Variants in PDGFRL observed in about 807,000 individuals in gnomAD.
The protein encoded by PDGFRL is platelet-derived growth factor receptor-like protein.
Under a neutral mutation model 37.2 loss-of-function variants are expected in PDGFRL, and 46 were observed. The ratio of observed to expected loss-of-function variants is 1.24; its 90% CI spans 0.98 to 1.58. The LOEUF is 1.58. PDGFRL is among the 40% of genes most tolerant of loss of function. The pLI, the probability that PDGFRL is intolerant of heterozygous loss-of-function variation, is 0.00. For missense variants in PDGFRL, 692 were observed against 467.6 expected (o/e 1.48, Z -4.43); for synonymous variants, 251 against 184.3 (o/e 1.36, Z -2.93).
intron 2 of PDGFRL, among the ~76,000 whole-genome samples, chr8:17,604,138 G>T (rs1261658086): frequency 6.6e-6 from 1 of 152,180 alleles, no homozygotes; most frequent in African/African-American, 2.4e-5. Context: ...CTGTTGGTGG[G>T]ACTGTAAACT....
chr8:17,616,689 G>C (rs1181558607), intron 2 of PDGFRL, among the ~76,000 whole-genome samples: 3 of 152,136 alleles, frequency 2.0e-5, no homozygotes, highest in African/African-American at 7.2e-5. Flanking sequence ...GGCTCTTGCT[G>C]GTTACTCTCC....
chr8:17,636,793 A>C (rs888330974), intron 5 of PDGFRL, among the ~76,000 whole-genome samples: 2 of 152,092 alleles, frequency 1.3e-5, no homozygotes, highest in African/African-American at 4.8e-5. Flanking sequence ...GATTTCTTTC[A>C]GCAGTGTTTT....
intron 5 of PDGFRL, among the ~76,000 whole-genome samples, chr8:17,641,711 T>G (rs1319876487): frequency 6.6e-6 from 1 of 152,172 alleles, no homozygotes; most frequent in African/African-American, 2.4e-5. Flanking sequence ...AATCCCTTTG[T>G]TGCCAGAAGA....
rs543948154 is a variant in PDGFRL, at chr8:17,613,920, G to A, written c.354-7131G>A. Among the ~76,000 whole-genome samples, 300 of 152,284 alleles carry A rather than the reference G, an allele frequency of 2.0e-3. 2 individuals carry two copies. Among genetic ancestry groups the A allele is most frequent in the Non-Finnish European group, 3.3e-3 (225 of 68,030 alleles). ...AATAATACAGAGGAATCTGGCATAA[G>A]TGATTGCAGTAGAGAGACCTGAGCC... On this transcript the variant is annotated intron_variant, in intron 2 of 5. Coordinates refer to ENST00000251630, the MANE Select transcript of PDGFRL (RefSeq NM_001372073.1).
At chr8:17,638,752 TA>T (rs1335184353) in intron 5 of PDGFRL, among the ~76,000 whole-genome samples, 6 of 58,340 alleles carry the variant, frequency 1.0e-4, no homozygotes, top group African/African-American at 6.1e-4. Flanking sequence ...TATATATATA[TA>T]TATATATATA....
intron 2 of PDGFRL, among the ~76,000 whole-genome samples, chr8:17,600,570 T>C (rs528844469): frequency 6.6e-6 from 1 of 151,988 alleles, no homozygotes; most frequent in South Asian, 2.1e-4. Context: ...GAGGCCAAGA[T>C]GGGAGGATCA....
intron 2 of PDGFRL, among the ~76,000 whole-genome samples, chr8:17,596,721 A>T (rs79987172): frequency 4.6e-5 from 7 of 152,214 alleles, no homozygotes; most frequent in African/African-American, 1.7e-4. Flanking sequence ...GAAGAAAGTA[A>T]TGACAGATGT....
At chr8:17,636,528 T>C (rs931611692) in intron 5 of PDGFRL, among the ~76,000 whole-genome samples, 3 of 151,512 alleles carry the variant, frequency 2.0e-5, no homozygotes, top group Non-Finnish European at 2.9e-5. Context: ...ATAGTATAGT[T>C]TGAAGTCAGG....
intron 2 of PDGFRL, among the ~76,000 whole-genome samples, chr8:17,618,659 G>A (rs928515878): frequency 6.6e-6 from 1 of 152,138 alleles, no homozygotes; most frequent in Non-Finnish European, 1.5e-5. Flanking sequence ...TGCAAAATAG[G>A]GAGCTGGATG....
chr8:17,640,662 C>T (rs1185182224), intron 5 of PDGFRL, among the ~76,000 whole-genome samples: 1 of 152,140 alleles, frequency 6.6e-6, no homozygotes, highest in African/African-American at 2.4e-5. Flanking sequence ...AGCAGCTGCT[C>T]TAATGGAGGT....
At position 17,628,524 on chromosome 8, in the gene PDGFRL, C is replaced by T; in HGVS notation, c.543C>T (p.Phe181=). 1 of 1,613,920 alleles carries T rather than the reference C, an allele frequency of 6.2e-7. No individual in the cohort carries two copies. Among genetic ancestry groups the T allele is most frequent in the South Asian group, 1.1e-5 (1 of 91,082 alleles). Reference sequence around the variant, plus strand: ...TCTTTGTACCTTCTCCCAGCTACTTCGATGTTGTCTACTTGAACCCGGACA... The same window carrying T: ...TCTTTGTACCTTCTCCCAGCTACTTTGATGTTGTCTACTTGAACCCGGACA... ...GELFVPSPSY[F]DVVYLNPDRQ... The change falls in exon 4 of 6, where the codon TTC becomes TTT. Residue 181 remains phenylalanine, a synonymous_variant. Coordinates refer to ENST00000251630, the MANE Select transcript of PDGFRL (RefSeq NM_001372073.1).
At chr8:17,578,822 T>C (rs919329433) in intron 1 of PDGFRL, among the ~76,000 whole-genome samples, 1 of 152,174 alleles carries the variant, frequency 6.6e-6, no homozygotes, top group Admixed American at 6.5e-5. Flanking sequence ...TATGAGACAA[T>C]TGGAGAAAGT....
rs1339224750 is a variant in PDGFRL, at chr8:17,641,898, C to CCCGCCCCCCCCCACCCA, written c.940-710_940-709insCCCCCCCACCCACCGCC. Among the ~76,000 whole-genome samples the CCCGCCCCCCCCCACCCA allele has an allele frequency of 2.0e-4, 26 of 129,862 alleles. 3 individuals are homozygous for CCCGCCCCCCCCCACCCA. Among genetic ancestry groups the CCCGCCCCCCCCCACCCA allele is most frequent in the Non-Finnish European group, 3.5e-4 (22 of 62,974 alleles). The allele number at this position is 129,862 out of a possible 152,430, so 85.2% of individuals were successfully genotyped here. On this transcript the variant is annotated intron_variant, in intron 5 of 5. Coordinates refer to ENST00000251630, the MANE Select transcript of PDGFRL (RefSeq NM_001372073.1). The stretch of plus-strand genomic sequence containing the variant: ...ACATTGATGATTTTCAATAGAGGTC[C>CCCGCCCCCCCCCACCCA]CCGCCACATTGCTATTTGGTATTTT...
In PDGFRL at chr8:17,642,611, AG is replaced by A. The variant is rs1805162166; in HGVS notation, c.940del. 6.3e-7 allele frequency: 1 copy of A among 1,597,278 alleles called. No homozygotes were observed. Among genetic ancestry groups the A allele is most frequent in the Non-Finnish European group, 8.6e-7 (1 of 1,164,860 alleles). ...TCAGTCTTTGTGGGTGTCGTTAAAC[AG>A]GATGAAAGGCCTGTGACGATCCAAG... is the stretch of plus-strand genomic sequence containing the variant. On this transcript the variant is annotated splice_acceptor_variant, in intron 5 of 5. Coordinates refer to ENST00000251630, the MANE Select transcript of PDGFRL (RefSeq NM_001372073.1). LOFTEE classifies it high-confidence loss of function.
At chr8:17,617,712 G>A (rs1042865050) in intron 2 of PDGFRL, among the ~76,000 whole-genome samples, 1 of 152,126 alleles carries the variant, frequency 6.6e-6, no homozygotes. Context: ...CCTTCCTTCC[G>A]CCCCCAAACC....
chr8:17,624,715 C>A (rs1392635689), intron 3 of PDGFRL, among the ~76,000 whole-genome samples: 1 of 152,156 alleles, frequency 6.6e-6, no homozygotes, highest in African/African-American at 2.4e-5. Context: ...TCAAGACCAG[C>A]CTAACCAACA....
At chr8:17,602,807 A>T (rs1024765745) in intron 2 of PDGFRL, among the ~76,000 whole-genome samples, 3 of 152,160 alleles carry the variant, frequency 2.0e-5, no homozygotes, top group Non-Finnish European at 4.4e-5. Context: ...GCTGTGCTAC[A>T]ACTGGCTTCC....
chr8:17,579,666 A>C (rs1037957562), intron 1 of PDGFRL, among the ~76,000 whole-genome samples: 1 of 151,860 alleles, frequency 6.6e-6, no homozygotes, highest in Non-Finnish European at 1.5e-5. Flanking sequence ...TGTGCTAGCC[A>C]CCACAACTAG....
chr8:17,639,380 T>G (rs1805045623), intron 5 of PDGFRL, among the ~76,000 whole-genome samples: 1 of 152,188 alleles, frequency 6.6e-6, no homozygotes, highest in Admixed American at 6.5e-5. Context: ...CCTATGAGAT[T>G]TATGCTTTAA....
Sources: allele counts gnomAD v4.1 joint callset (sites outside exome capture counted in the v4.1 genomes callset), GRCh38; gene constraint gnomAD v4.1.1; transcripts MANE v1.5; gene names NCBI Gene and HGNC (gene_info 2026-07-23, HGNC 2026-07-21).